The following STK32B variants were observed in gnomAD, a reference collection of about 807,000 sequenced individuals.
STK32B encodes serine/threonine-protein kinase 32B.
STK32B carries 43 observed loss-of-function variants against 52.6 expected under a neutral mutation model. The observed-to-expected ratio is 0.82, with a 90% CI of 0.64 to 1.05. The LOEUF (loss-of-function observed/expected upper bound fraction) is 1.05. Ranked by LOEUF, STK32B falls within the 50% of genes least tolerant of loss-of-function variation. STK32B has a pLI of 0.00. For synonymous variants in STK32B, 238 were observed against 204.3 expected (o/e 1.17, Z -1.41); for missense variants, 621 against 534.6 (o/e 1.16, Z -1.59).
chr4:5,213,556 A>G (rs17734127), intron 3 of STK32B, among the ~76,000 whole-genome samples: 14,497 of 152,290 alleles, frequency 0.095, 872 homozygotes, highest in Middle Eastern at 0.14. Flanking sequence ...TTACTGGTGA[A>G]GAGGTTATTG....
chr4:5,183,727 A>G (rs1720528005), intron 3 of STK32B, among the ~76,000 whole-genome samples: 1 of 152,198 alleles, frequency 6.6e-6, no homozygotes, highest in Non-Finnish European at 1.5e-5. Flanking sequence ...GACCGTAGCA[A>G]GATATTCTAA....
chr4:5,415,145 T>C (rs1471477978), intron 5 of STK32B, among the ~76,000 whole-genome samples: 1 of 152,170 alleles, frequency 6.6e-6, no homozygotes. Flanking sequence ...CTGGAGAAGA[T>C]GGGTTTTGAG....
intron 1 of STK32B, among the ~76,000 whole-genome samples, chr4:5,126,044 G>A (rs1312084359): frequency 6.6e-6 from 1 of 152,120 alleles, no homozygotes; most frequent in Non-Finnish European, 1.5e-5. Context: ...TCTACACCTC[G>A]GTCAAAAGCC....
chr4:5,258,969 A>C (rs1361179972), intron 3 of STK32B, among the ~76,000 whole-genome samples: 1 of 152,078 alleles, frequency 6.6e-6, no homozygotes. Context: ...ACTTCTTTCC[A>C]GGCTTGTAAA....
chr4:5,386,169 C>T lies in STK32B; in HGVS notation c.435-12038C>T, dbSNP rs1265147799. Reference sequence around the variant, plus strand: ...TTGTACTCCCTGGACTCTTCCCAGCCGTCTGTCTCTCACACAGCACCCTCA... The same window carrying T: ...TTGTACTCCCTGGACTCTTCCCAGCTGTCTGTCTCTCACACAGCACCCTCA... On this transcript the variant is annotated intron_variant, in intron 4 of 11. Coordinates refer to ENST00000282908, the MANE Select transcript of STK32B (RefSeq NM_018401.3). This position sits in a 1 kb window ranked among gnomAD's most constrained non-coding sequence, Gnocchi z 4.5. Among the ~76,000 whole-genome samples, 1 of 151,948 alleles carries T rather than the reference C, an allele frequency of 6.6e-6. No individual in the cohort carries two copies. The highest frequency in any genetic ancestry group is 1.9e-4 in the East Asian group (1 of 5,180).
At chr4:5,080,921 A>G (rs1712377951) in intron 1 of STK32B, among the ~76,000 whole-genome samples, 2 of 152,170 alleles carry the variant, frequency 1.3e-5, no homozygotes, top group Non-Finnish European at 2.9e-5. Context: ...TATATGGGAA[A>G]GTCTGTACCT....
chr4:5,168,562 T>G, intron 3 of STK32B, 112 bp downstream of exon 3: 4 of 1,281,070 alleles, frequency 3.1e-6, no homozygotes, highest in Non-Finnish European at 2.1e-6. Context: ...GGATGCAATT[T>G]TCTGGGTTCA....
intron 3 of STK32B, among the ~76,000 whole-genome samples, chr4:5,259,783 C>G (rs1357954522): frequency 6.6e-6 from 1 of 152,086 alleles, no homozygotes; most frequent in Non-Finnish European, 1.5e-5. Context: ...GTCAGGGAGA[C>G]AGACGCACCA....
At chr4:5,196,758 TAAAA>T (rs1285518262) in intron 3 of STK32B, among the ~76,000 whole-genome samples, 2 of 150,942 alleles carry the variant, frequency 1.3e-5, no homozygotes, top group Admixed American at 6.6e-5. Context: ...TAAAATAAAA[TAAAA>T]TAGATAAATA....
intron 1 of STK32B, among the ~76,000 whole-genome samples, chr4:5,108,424 T>G (rs560219251): frequency 6.8e-4 from 103 of 152,308 alleles, no homozygotes; most frequent in African/African-American, 2.4e-3. Context: ...TTGGCGCTGT[T>G]AAATAGTTTT....
At chr4:5,492,088 T>G (rs1196691020) in intron 11 of STK32B, among the ~76,000 whole-genome samples, 1 of 152,174 alleles carries the variant, frequency 6.6e-6, no homozygotes, top group Non-Finnish European at 1.5e-5. Context: ...ATATGAACTT[T>G]AAAGTAGTTT....
chr4:5,428,621 C>G (rs191732561), intron 6 of STK32B, among the ~76,000 whole-genome samples: 11 of 152,172 alleles, frequency 7.2e-5, no homozygotes, highest in African/African-American at 2.6e-4. Flanking sequence ...TATGTATTGT[C>G]TTCTTTGGTC....
In STK32B at chr4:5,446,638, A is replaced by G. The variant is rs965843478; in HGVS notation, c.563-35A>G. The G allele has an allele frequency of 1.1e-5, 17 of 1,581,466 alleles. No homozygotes were observed. The African/African-American group carries it at 1.9e-4, about 18-fold the overall frequency. On this transcript the variant is annotated intron_variant, in intron 6 of 11. Transcript: ENST00000282908. ...AGGGGTGGTGGCCATAAACTGGGATACACAATGATGTTCTCCTTGTCCTCT... is the reference window on the plus strand; with the variant it reads ...AGGGGTGGTGGCCATAAACTGGGATGCACAATGATGTTCTCCTTGTCCTCT...
At chr4:5,019,407 GAGC>G in the STK32B span, 10 of 1,490,886 alleles carry the variant, frequency 6.7e-6, no homozygotes, top group Middle Eastern at 2.0e-4. Flanking sequence ...CTCCCGCCAG[GAGC>G]AGCAGCAGCA....
At position 5,430,372 on chromosome 4, in the gene STK32B, C is replaced by A. The variant is rs144020704; in HGVS notation, c.562+13438C>A. On this transcript the variant is annotated intron_variant, in intron 6 of 11. Coordinates refer to ENST00000282908, the MANE Select transcript of STK32B (RefSeq NM_018401.3). ...TAAACCTATTGGAAGCATTCTTTAT[C>A]TCTGGCACTATGTTTTTGCATTTGT... Among the ~76,000 whole-genome samples the A allele has an allele frequency of 4.0e-3, 607 of 152,258 alleles. 1 individual carries two copies. The highest frequency in any genetic ancestry group is 0.014 in the African/African-American group (570 of 41,554).
chr4:5,191,292 C>T (rs1220011630), intron 3 of STK32B, among the ~76,000 whole-genome samples: 1 of 151,238 alleles, frequency 6.6e-6, no homozygotes, highest in Non-Finnish European at 1.5e-5. Flanking sequence ...GCTCTGTCAC[C>T]CAGGCTGGAG....
chr4:5,186,272 C>A (rs16836790), intron 3 of STK32B, among the ~76,000 whole-genome samples: 1 of 152,126 alleles, frequency 6.6e-6, no homozygotes, highest in East Asian at 1.9e-4. Flanking sequence ...AGCTCTGTCA[C>A]GGTTATCTGC....
chr4:5,181,137 G>T (rs997496558), intron 3 of STK32B, among the ~76,000 whole-genome samples: 7 of 152,094 alleles, frequency 4.6e-5, no homozygotes, highest in Non-Finnish European at 1.0e-4. Context: ...CCTCTAGCTG[G>T]CTATGATGCT....
intron 11 of STK32B, among the ~76,000 whole-genome samples, chr4:5,497,796 G>T (rs1209738688): frequency 6.6e-6 from 1 of 152,150 alleles, no homozygotes; most frequent in Non-Finnish European, 1.5e-5. Context: ...TCAGGACCCT[G>T]CATATAAGCA....
Sources: allele counts gnomAD v4.1 joint callset (sites outside exome capture counted in the v4.1 genomes callset), GRCh38; gene constraint gnomAD v4.1.1; non-coding constraint Gnocchi (gnomAD v3.1); transcripts MANE v1.5; gene names NCBI Gene and HGNC (gene_info 2026-07-23, HGNC 2026-07-21).